Variants in C5orf34 observed in about 807,000 individuals in gnomAD.
C5orf34 encodes chromosome 5 open reading frame 34, also known as uncharacterized protein C5orf34.
C5orf34 carries 73 observed loss-of-function variants against 78.4 expected under a neutral mutation model. The ratio of observed to expected loss-of-function variants is 0.93; its 90% CI spans 0.77 to 1.13. The LOEUF (loss-of-function observed/expected upper bound fraction) is 1.13. Ranked by LOEUF, C5orf34 falls within the 50% of genes most tolerant of loss-of-function variation. The pLI is 0.00. For missense variants in C5orf34, 730 were observed against 732.7 expected (o/e 1.00, Z 0.04); for synonymous variants, 251 against 246.6 (o/e 1.02, Z -0.17).
intron 1 of C5orf34, among the ~76,000 whole-genome samples, chr5:43,514,464 T>C (rs1410133982): frequency 6.6e-6 from 1 of 152,078 alleles, no homozygotes; most frequent in Non-Finnish European, 1.5e-5. Flanking sequence ...TTGGGAAAAA[T>C]AGTCTATCTT....
In C5orf34 at chr5:43,492,885, A is replaced by G. The variant is rs748725763; in HGVS notation, c.1320T>C (p.Pro440=). 6.3e-7 allele frequency: 1 copy of G among 1,584,256 alleles called. No homozygotes were observed. Among genetic ancestry groups the G allele is most frequent in the South Asian group, 1.1e-5 (1 of 87,704 alleles). ...GCAGTATATTGCTATCATTTATCCCAGGTACCTAAAACCAAGTAAATAAAA... is the reference window on the plus strand; with the variant it reads ...GCAGTATATTGCTATCATTTATCCCGGGTACCTAAAACCAAGTAAATAAAA... The part of the protein sequence containing the change: ...NYRICCWKMV[P]GINDSNILPL... Residue 440 remains proline, a synonymous_variant, in exon 9 of 13, where the codon CCT becomes CCC. Coordinates refer to ENST00000306862, the MANE Select transcript of C5orf34 (RefSeq NM_198566.4).
At chr5:43,492,555 C>G (rs1391546025) in intron 9 of C5orf34, among the ~76,000 whole-genome samples, 165 bp downstream of exon 9, 2 of 152,146 alleles carry the variant, frequency 1.3e-5, no homozygotes, top group Non-Finnish European at 2.9e-5. Flanking sequence ...GACTATTTGT[C>G]AAATCATTCT....
chr5:43,508,602 G>A lies in C5orf34; in HGVS notation c.260C>T (p.Thr87Ile). ...CTTTTTTCTTTCAGAAGGTATGATG[G>A]TTTCAGATAAAAAAGGGCAAGTAGC... ...SSATCPFLSE[T>I]IIPSERKKHI... The change falls in exon 3 of 13, where the codon ACC becomes ATC. Residue 87 changes from threonine to isoleucine, a missense_variant. Coordinates refer to ENST00000306862, the MANE Select transcript of C5orf34 (RefSeq NM_198566.4). 1 of 1,608,906 alleles carries A rather than the reference G, an allele frequency of 6.2e-7. No individual in the cohort carries two copies. Among genetic ancestry groups the A allele is most frequent in the Non-Finnish European group, 8.5e-7 (1 of 1,175,642 alleles).
rs1745457058 is a variant in C5orf34, at chr5:43,495,299, A to T, written c.1153-698T>A. The stretch of plus-strand genomic sequence containing the variant: ...CTTCAAGAATTTAGGGCCATCTTCC[A>T]GCTTTTTACCAGAACCGCGATCAAT... On this transcript the variant is annotated intron_variant, in intron 6 of 12. Transcript: ENST00000306862. 4 of 1,610,580 alleles carry T rather than the reference A, an allele frequency of 2.5e-6. No homozygotes were observed. In the Admixed American group the frequency reaches 6.7e-5, roughly 27 times the overall value.
chr5:43,496,428 G>A (rs369372259), intron 6 of C5orf34: 14 of 1,591,718 alleles, frequency 8.8e-6, no homozygotes, highest in African/African-American at 1.3e-5. Flanking sequence ...TGACGACAAT[G>A]TTGATATGAG....
intron 1 of C5orf34, among the ~76,000 whole-genome samples, chr5:43,510,234 C>A (rs1746164193): frequency 6.6e-6 from 1 of 152,130 alleles, no homozygotes; most frequent in Admixed American, 6.5e-5. Context: ...ATCCAAATAC[C>A]TGGAATCCTG....
chr5:43,506,232 T>TA lies in C5orf34; in HGVS notation c.447dup (p.Lys150Ter), dbSNP rs1418949587. On this transcript the variant is annotated frameshift_variant, in exon 4 of 13. Coordinates refer to ENST00000306862, the MANE Select transcript of C5orf34 (RefSeq NM_198566.4). LOFTEE classifies it high-confidence loss of function. ...GATGAGTCTGACTTCTGGCTAACTTTACACAAAAAATGTACTGTAAATTCA... is the reference window on the plus strand; with the variant it reads ...GATGAGTCTGACTTCTGGCTAACTTTAACACAAAAAATGTACTGTAAATTCA... 2 of 1,614,092 alleles carry TA rather than the reference T, an allele frequency of 1.2e-6. No individual in the cohort carries two copies. Among genetic ancestry groups the TA allele is most frequent in the Non-Finnish European group, 1.7e-6 (2 of 1,180,046 alleles).
chr5:43,507,525 C>T (rs919514218), intron 3 of C5orf34, among the ~76,000 whole-genome samples: 2 of 152,178 alleles, frequency 1.3e-5, no homozygotes, highest in Non-Finnish European at 1.5e-5. Context: ...AATAAAGTGA[C>T]TCAAAAGACA....
intron 1 of C5orf34, among the ~76,000 whole-genome samples, chr5:43,510,866 A>G (rs1041309989): frequency 6.6e-6 from 1 of 152,158 alleles, no homozygotes; most frequent in Non-Finnish European, 1.5e-5. Flanking sequence ...ACGCCACCCC[A>G]TCTGGGAAGT....
chr5:43,491,467 GA>G (rs762804775), intron 10 of C5orf34, among the ~76,000 whole-genome samples: 10 of 151,828 alleles, frequency 6.6e-5, no homozygotes, highest in South Asian at 2.1e-4. Flanking sequence ...TAAACCAAAA[GA>G]AAAAAAATTC....
Position 43,492,319 on chromosome 5 carries a change from T to C in C5orf34, c.1486-10A>G. The C allele has an allele frequency of 1.3e-6, 2 of 1,545,990 alleles. No homozygotes were observed. Among genetic ancestry groups the C allele is most frequent in the East Asian group, 2.3e-5 (1 of 44,386 alleles). On this transcript the variant is annotated splice_polypyrimidine_tract_variant and intron_variant, in intron 9 of 12. Transcript: ENST00000306862. ...TAAGACCTTGATTTACCTGAAGAAG[T>C]AGAAAGATAAGTTTTATCATTTTAG...
Position 43,506,004 on chromosome 5 carries a change from A to G in C5orf34, c.676T>C (p.Ser226Pro). 1.2e-6 allele frequency: 2 copies of G among 1,614,160 alleles called. No individual in the cohort carries two copies. Among genetic ancestry groups the G allele is most frequent in the East Asian group, 4.5e-5 (2 of 44,880 alleles). ...NGTEGREELPSPGTKHTCVYT... is the reference protein window; with the variant it reads ...NGTEGREELPPPGTKHTCVYT... ...ACACATGTGTGCTTTGTACCAGGCG[A>G]AGGCAGCTCTTCCCTCCCTTCAGTT... The change falls in exon 4 of 13, where the codon TCG becomes CCG. Residue 226 changes from serine to proline, a missense_variant. Ser to Pro is a moderately conservative substitution (Grantham distance 74). Transcript: ENST00000306862.
intron 3 of C5orf34, 76 bp from the exon 4 acceptor site, chr5:43,506,470 G>T: frequency 7.1e-7 from 1 of 1,401,454 alleles, no homozygotes; most frequent in South Asian, 1.4e-5. Context: ...TGATATTTAA[G>T]TATTGTGTAA....
At chr5:43,512,044 AAAG>A (rs888394087) in intron 1 of C5orf34, among the ~76,000 whole-genome samples, 2 of 152,024 alleles carry the variant, frequency 1.3e-5, no homozygotes, top group Non-Finnish European at 2.9e-5. Flanking sequence ...AAAAAAAAAA[AAAG>A]AGTTGGGTTT....
chr5:43,507,821 G>C (rs1561216507), intron 3 of C5orf34, among the ~76,000 whole-genome samples: 1 of 152,042 alleles, frequency 6.6e-6, no homozygotes, highest in Non-Finnish European at 1.5e-5. Context: ...GCTCACGCCT[G>C]TAATCCCAGC....
At chr5:43,512,071 C>T (rs144698311) in intron 1 of C5orf34, among the ~76,000 whole-genome samples, 316 of 151,390 alleles carry the variant, frequency 2.1e-3, no homozygotes, top group African/African-American at 7.3e-3. Context: ...TCACACCTTA[C>T]CATTTACTAG....
intron 6 of C5orf34, among the ~76,000 whole-genome samples, chr5:43,497,989 G>T (rs1038332962): frequency 2.0e-5 from 3 of 152,010 alleles, no homozygotes; most frequent in African/African-American, 7.3e-5. Flanking sequence ...TTTTCCTTCC[G>T]TCTCAGGGAA....
intron 7 of C5orf34, among the ~76,000 whole-genome samples, chr5:43,494,106 C>T (rs948181424): frequency 1.3e-5 from 2 of 152,106 alleles, no homozygotes; most frequent in African/African-American, 4.8e-5. Context: ...ACCAAAGAAC[C>T]AATCTATGCT....
chr5:43,502,713 C>T (rs1413255683), intron 5 of C5orf34, among the ~76,000 whole-genome samples: 1 of 152,196 alleles, frequency 6.6e-6, no homozygotes, highest in African/African-American at 2.4e-5. Flanking sequence ...TTTATTTCAA[C>T]AACTAAACTA....
Sources: allele counts gnomAD v4.1 joint callset (sites outside exome capture counted in the v4.1 genomes callset), GRCh38; gene constraint gnomAD v4.1.1; transcripts MANE v1.5; gene names NCBI Gene and HGNC (gene_info 2026-07-23, HGNC 2026-07-21).